The following USH2A variants were observed in gnomAD, a reference collection of about 807,000 sequenced individuals.
The protein encoded by USH2A is Usher syndrome 2A (autosomal recessive, mild).
USH2A carries 443 observed loss-of-function variants against 538.9 expected under a neutral mutation model. The observed-to-expected ratio is 0.82, with a 90% CI of 0.76 to 0.89. The LOEUF (loss-of-function observed/expected upper bound fraction) is 0.89. Ranked by LOEUF, USH2A falls within the 40% of genes least tolerant of loss-of-function variation. The pLI is 0.00. For missense variants in USH2A, 6,633 were observed against 6,324.8 expected (o/e 1.05, Z -1.65); for synonymous variants, 2,413 against 2,273.5 (o/e 1.06, Z -1.75).
intron 38 of USH2A, among the ~76,000 whole-genome samples, chr1:215,932,290 T>C (rs1035516226): frequency 6.6e-6 from 1 of 152,016 alleles, no homozygotes; most frequent in African/African-American, 2.4e-5. Context: ...TTGGTCCATT[T>C]ATTATTCATT....
At chr1:216,156,291 TTTTC>T (rs1329779793) in intron 21 of USH2A, among the ~76,000 whole-genome samples, 3 of 93,264 alleles carry the variant, frequency 3.2e-5, no homozygotes, top group Non-Finnish European at 3.8e-5. Context: ...TTTCTTTTTT[TTTTC>T]TTTTTTTTTT....
At chr1:215,890,831 A>C (rs1338390170) in intron 40 of USH2A, among the ~76,000 whole-genome samples, 2 of 152,132 alleles carry the variant, frequency 1.3e-5, no homozygotes, top group South Asian at 2.1e-4. Context: ...ATCTAAAAAA[A>C]CCCCCAAATC....
intron 21 of USH2A, among the ~76,000 whole-genome samples, chr1:216,137,764 T>C (rs1341802954): frequency 1.3e-5 from 2 of 152,052 alleles, no homozygotes; most frequent in Admixed American, 1.3e-4. Context: ...CAAATATTAA[T>C]CTCCTTTGGC....
At chr1:215,972,406 C>T (rs1160652912) in intron 35 of USH2A, among the ~76,000 whole-genome samples, 1 of 152,152 alleles carries the variant, frequency 6.6e-6, no homozygotes, top group African/African-American at 2.4e-5. Flanking sequence ...GTTCAAATGT[C>T]AAATCGGCAA....
rs1352316880 is a variant in USH2A, at chr1:216,247,149, A to C, written c.2245T>G (p.Cys749Gly). Reference protein sequence around the residue: ...FNDVGCEPCQCNLHGSVNKFC... With the variant: ...FNDVGCEPCQGNLHGSVNKFC... ...TTGTTCACTGAGCCATGGAGGTTAC[A>C]CTGGCAGGGCTCACATCCAACATCA... is the stretch of plus-strand genomic sequence containing the variant. The change falls in exon 13 of 72, where the codon TGT (cysteine) becomes GGT (glycine). Residue 749 changes from cysteine to glycine, a missense_variant. Physicochemically the swap from Cys to Gly is radical, Grantham distance 159. Coordinates refer to ENST00000307340, the MANE Select transcript of USH2A (RefSeq NM_206933.4). The C allele has an allele frequency of 4.3e-6, 7 of 1,614,100 alleles. No homozygotes were observed. Among genetic ancestry groups the C allele is most frequent in the Non-Finnish European group, 5.9e-6 (7 of 1,179,950 alleles).
rs2033722121 is a variant in USH2A at position 216,147,114 on chromosome 1, TCTTC to T, written c.4627+28134_4627+28137del. ...TGTGACCAGTTAAACTCATCCCAAA[TCTTC>T]CTTCTTTCCCTCCTGCCTGTCCCCT... is the stretch of plus-strand genomic sequence containing the variant. On this transcript the variant is annotated intron_variant, in intron 21 of 71. Coordinates refer to ENST00000307340, the MANE Select transcript of USH2A (RefSeq NM_206933.4). Among the ~76,000 whole-genome samples the T allele has an allele frequency of 1.3e-5, 2 of 151,934 alleles. 1 individual carries two copies. The highest frequency in any genetic ancestry group is 4.1e-4 in the South Asian group (2 of 4,824).
chr1:216,359,860 CTAAGTA>C (rs1021457355), intron 4 of USH2A, among the ~76,000 whole-genome samples: 1 of 151,936 alleles, frequency 6.6e-6, no homozygotes, highest in African/African-American at 2.4e-5. Flanking sequence ...AAAAACAATA[CTAAGTA>C]TAATTGCATG....
intron 21 of USH2A, among the ~76,000 whole-genome samples, chr1:216,155,127 C>T (rs576157136): frequency 6.6e-6 from 1 of 152,184 alleles, no homozygotes; most frequent in South Asian, 2.1e-4. Context: ...CTGTCTTTGG[C>T]CATTCCTGGA....
rs996972914 is a variant in USH2A at position 216,170,648 on chromosome 1, G to A, written c.4627+4604C>T. On this transcript the variant is annotated intron_variant, in intron 21 of 71. Coordinates refer to ENST00000307340, the MANE Select transcript of USH2A (RefSeq NM_206933.4). ...CCCAAATGATCATGGACCTGTTTTC[G>A]CTAATAGGAAAAAATAAGTGACAAG... is the stretch of plus-strand genomic sequence containing the variant. Among the ~76,000 whole-genome samples, 6 of 151,982 alleles carry A rather than the reference G, an allele frequency of 3.9e-5. No homozygotes were observed. The East Asian group carries it at 9.7e-4, about 24-fold the overall frequency.
At chr1:216,237,825 T>G (rs553300060) in intron 13 of USH2A, among the ~76,000 whole-genome samples, 5 of 152,328 alleles carry the variant, frequency 3.3e-5, no homozygotes, top group Admixed American at 1.3e-4. Context: ...TACTTTTTTT[T>G]GTTTTCCAGA....
At chr1:215,956,282 C>T (rs1054682840) in intron 37 of USH2A, among the ~76,000 whole-genome samples, 1 of 152,134 alleles carries the variant, frequency 6.6e-6, no homozygotes, top group African/African-American at 2.4e-5. Context: ...ATATATCTGC[C>T]CCACGGCTGG....
Position 216,196,605 on chromosome 1 carries a change from T to G in USH2A, c.4199A>C (p.Asn1400Thr). ...TTGAGGTGATTGTTCAGAAAGCATA[T>G]TGATGTCATACCCCACAACTTTTCC... ...TRGKVVGYDI[N>T]MLSEQSPQQS... Residue 1400 changes from asparagine to threonine, a missense_variant, in exon 19 of 72, where the codon AAT becomes ACT. Physicochemically the swap from Asn to Thr is moderately conservative, Grantham distance 65. Transcript: ENST00000307340. The G allele has an allele frequency of 6.2e-7, 1 of 1,613,610 alleles. No homozygotes were observed. Among genetic ancestry groups the G allele is most frequent in the Non-Finnish European group, 8.5e-7 (1 of 1,179,706 alleles).
At chr1:216,066,847 G>T (rs958750661) in intron 30 of USH2A, among the ~76,000 whole-genome samples, 1 of 152,144 alleles carries the variant, frequency 6.6e-6, no homozygotes, top group Non-Finnish European at 1.5e-5. Flanking sequence ...GATCCAGAAG[G>T]ATGTGGAACT....
At chr1:215,896,466 A>G (rs1205600041) in intron 40 of USH2A, among the ~76,000 whole-genome samples, 1 of 152,194 alleles carries the variant, frequency 6.6e-6, no homozygotes, top group Non-Finnish European at 1.5e-5. Flanking sequence ...AGAGAAACAG[A>G]TTATCTAACT....
intron 11 of USH2A, among the ~76,000 whole-genome samples, chr1:216,253,670 G>A (rs1172282752): frequency 1.3e-5 from 2 of 152,094 alleles, no homozygotes; most frequent in African/African-American, 4.8e-5. Context: ...AGTCTTTCTG[G>A]CTTCTGCCAG....
intron 61 of USH2A, among the ~76,000 whole-genome samples, chr1:215,680,626 T>C (rs907093750): frequency 3.9e-5 from 6 of 151,960 alleles, no homozygotes; most frequent in Non-Finnish European, 7.4e-5. Flanking sequence ...ATCCTTGACT[T>C]TTCAGTGCTT....
At chr1:216,303,113 T>C (rs1157829980) in intron 9 of USH2A, among the ~76,000 whole-genome samples, 1 of 151,970 alleles carries the variant, frequency 6.6e-6, no homozygotes, top group East Asian at 1.9e-4. Flanking sequence ...TTATGGATTG[T>C]TCAGGGCACT....
chr1:215,997,817 TCTTA>T (rs1371431991), intron 34 of USH2A, among the ~76,000 whole-genome samples: 2 of 152,142 alleles, frequency 1.3e-5, no homozygotes, highest in South Asian at 2.1e-4. Flanking sequence ...TTAGTATATT[TCTTA>T]CTTAATGGGT....
chr1:216,139,829 AGGCCGCT>A (rs1464983177), intron 21 of USH2A, among the ~76,000 whole-genome samples: 3 of 152,142 alleles, frequency 2.0e-5, no homozygotes, highest in African/African-American at 7.2e-5. Flanking sequence ...AACTTGTCTG[AGGCCGCT>A]GGTTATATAT....
Sources: gnomAD v4.1 joint callset for allele counts (sites outside exome capture counted in the v4.1 genomes callset) on GRCh38, gnomAD v4.1.1 for gene constraint, MANE v1.5 for transcripts, NCBI Gene and HGNC (gene_info 2026-07-23, HGNC 2026-07-21) for gene names.